Variants in TUB observed in about 807,000 individuals in gnomAD.
The protein encoded by TUB is tubby protein homolog.
In TUB, 33 loss-of-function variants were observed where a neutral mutation model predicts 59.7. The ratio of observed to expected loss-of-function variants is 0.55; its 90% confidence interval spans 0.42 to 0.74. The LOEUF is 0.74. TUB is among the 30% of genes least tolerant of loss of function. TUB has a pLI of 0.00. For missense variants in TUB, 659 were observed against 672.0 expected, an observed-to-expected ratio of 0.98 and a Z score of 0.21; for synonymous variants, 293 against 256.4, an observed-to-expected ratio of 1.14 and a Z score of -1.36.
upstream of TUB, among the ~76,000 whole-genome samples, chr11:8,033,710 A>G (rs2133715257): frequency 6.6e-6 from 1 of 152,322 alleles, no homozygotes; most frequent in East Asian, 1.9e-4. Context: ...GTGGGGTGTA[A>G]TGTGTAAACA....
intron 1 of TUB, among the ~76,000 whole-genome samples, chr11:8,026,335 C>G (rs767913221): frequency 4.6e-5 from 7 of 150,670 alleles, no homozygotes; most frequent in Non-Finnish European, 1.0e-4. Context: ...ATAGATTGTT[C>G]TTCTGATGTT....
intron 2 of TUB, among the ~76,000 whole-genome samples, chr11:8,049,148 C>G (rs1282137639): frequency 1.2e-4 from 18 of 152,154 alleles, no homozygotes; most frequent in African/African-American, 4.3e-4. Context: ...CTTGTGCTTT[C>G]CAAACCCTTG....
At chr11:8,025,305 G>T (rs79961920) in intron 1 of TUB, among the ~76,000 whole-genome samples, 26 of 152,232 alleles carry the variant, frequency 1.7e-4, no homozygotes, top group Non-Finnish European at 1.5e-4. Flanking sequence ...CTCTGAGGAG[G>T]GGGTATTTCA....
At chr11:8,021,686 C>A (rs987424831) in intron 1 of TUB, among the ~76,000 whole-genome samples, 2 of 151,944 alleles carry the variant, frequency 1.3e-5, no homozygotes, top group Non-Finnish European at 2.9e-5. Flanking sequence ...GAGGCTGAGG[C>A]AAGCAGATCA....
chr11:8,061,765 C>T (rs1791612324), intron 2 of TUB, among the ~76,000 whole-genome samples: 1 of 152,142 alleles, frequency 6.6e-6, no homozygotes, highest in Admixed American at 6.5e-5. Context: ...CACTGGACCC[C>T]AGGATCCCAG....
chr11:8,098,710 C>T, intron 8 of TUB, 48 bp from the exon 9 acceptor site: 2 of 1,422,642 alleles, frequency 1.4e-6, no homozygotes, highest in Non-Finnish European at 2.0e-6. Flanking sequence ...GTTCCCTGCT[C>T]TGGGGCAGAG....
chr11:8,103,996 C>T lies in TUB; in HGVS notation c.*2377C>T, dbSNP rs533584429. 1 of 152,342 alleles carries T rather than the reference C, an allele frequency of 6.6e-6. No homozygotes were observed. Among genetic ancestry groups the T allele is most frequent in the African/African-American group, 2.4e-5 (1 of 41,572 alleles). 9.4% of individuals were successfully genotyped at this position (152,342 alleles called of 1,614,324 possible). On this transcript the variant is annotated 3_prime_UTR_variant, in exon 12 of 12. Transcript: ENST00000299506. ...GCCTAAGTGTGGAGAAGGATAGCCT[C>T]AGCCACAAAACTCTGTCAGGCATTG...
intron 3 of TUB, among the ~76,000 whole-genome samples, chr11:8,091,840 G>A (rs1943786311): frequency 6.6e-6 from 1 of 152,190 alleles, no homozygotes; most frequent in African/African-American, 2.4e-5. Context: ...CCCAAGGGTG[G>A]TAGTGGTACC....
intron 2 of TUB, among the ~76,000 whole-genome samples, chr11:8,062,894 T>A (rs141320994): frequency 6.6e-6 from 1 of 152,294 alleles, no homozygotes; most frequent in East Asian, 1.9e-4. Context: ...ACGTTGTCTC[T>A]GGAAGGTGTT....
Position 8,025,781 on chromosome 11 carries a change from G to T in TUB, c.56+6423G>T, listed in dbSNP as rs537269889. 2.0e-5 allele frequency among the ~76,000 whole-genome samples: 3 copies of T among 152,154 alleles called. No individual in the cohort carries two copies. In the East Asian group the frequency reaches 5.8e-4, roughly 29 times the overall value. On this transcript the variant is annotated intron_variant, in intron 1 of 11. Transcript: ENST00000534099. Reference sequence around the variant, plus strand: ...AGCTTTTGTGAATATTCATGTACAGGTCTTTGTATGGACGTATACTTTTGT... The same window carrying T: ...AGCTTTTGTGAATATTCATGTACAGTTCTTTGTATGGACGTATACTTTTGT...
At chr11:8,096,866 G>A (rs1944017126) in intron 6 of TUB, 60 bp downstream of exon 6, 2 of 1,584,422 alleles carry the variant, frequency 1.3e-6, no homozygotes, top group Non-Finnish European at 1.7e-6. Context: ...CGTTAGAGGT[G>A]GACTGCATGT....
chr11:8,080,766 G>T (rs1943535354), upstream of TUB, among the ~76,000 whole-genome samples: 1 of 152,214 alleles, frequency 6.6e-6, no homozygotes, highest in African/African-American at 2.4e-5. Context: ...TCCCCAGGCG[G>T]GGGTGTGGGA....
At chr11:8,089,947 C>A in intron 2 of TUB, 122 bp from the exon 3 acceptor site, 1 of 1,387,488 alleles carries the variant, frequency 7.2e-7, no homozygotes, top group Non-Finnish European at 9.6e-7. Flanking sequence ...TCCTGGACCC[C>A]AAGTGTTGGG....
chr11:8,058,783 T>C lies in TUB; in HGVS notation c.203+19091T>C, dbSNP rs1042206108. Among the ~76,000 whole-genome samples the C allele has an allele frequency of 2.6e-5, 4 of 152,350 alleles. No individual in the cohort carries two copies. The East Asian group carries it at 7.7e-4, about 29-fold the overall frequency. The stretch of plus-strand genomic sequence containing the variant: ...CTACAGTAATTTGTCATTGCAACCG[T>C]AGGTTGGCTACAGATAAAGAGTTAG... On this transcript the variant is annotated intron_variant, in intron 2 of 12. Coordinates refer to the TUB transcript ENST00000305253.
intron 9 of TUB, among the ~76,000 whole-genome samples, chr11:8,099,818 G>A (rs1414677074): frequency 6.6e-6 from 1 of 152,180 alleles, no homozygotes; most frequent in African/African-American, 2.4e-5. Context: ...AAACAGCAGT[G>A]TACGTGTCTA....
chr11:8,050,901 C>T (rs372133336), intron 2 of TUB, among the ~76,000 whole-genome samples: 24 of 152,252 alleles, frequency 1.6e-4, no homozygotes, highest in East Asian at 7.7e-4. Flanking sequence ...TCTTATGAGA[C>T]AATTGCACAC....
rs140759109 is a variant in TUB at position 8,039,028 on chromosome 11, G to A, written c.155G>A (p.Arg52Gln). 35 of 1,612,060 alleles carry A rather than the reference G, an allele frequency of 2.2e-5. 1 individual carries two copies. In the South Asian group the frequency reaches 2.9e-4, roughly 13 times the overall value. ...CTGAAACGGGGCCACCGAAGAGATC[G>A]GTAAGCTTTCAACATCCTGCCTTTA... is the stretch of plus-strand genomic sequence containing the variant. The change falls in exon 1 of 13, where the codon CGG becomes CAG. Residue 52 changes from arginine (R) to glutamine (Q), a missense_variant and splice_region_variant. Transcript: ENST00000305253.
chr11:8,064,406 G>A (rs1422250278), intron 2 of TUB, among the ~76,000 whole-genome samples: 1 of 152,126 alleles, frequency 6.6e-6, no homozygotes, highest in Non-Finnish European at 1.5e-5. Flanking sequence ...GGGGCTTGTA[G>A]TACACTTGCC....
upstream of TUB, among the ~76,000 whole-genome samples, chr11:8,034,170 G>A (rs1417764290): frequency 1.3e-5 from 2 of 152,184 alleles, no homozygotes; most frequent in Non-Finnish European, 2.9e-5. Context: ...CCCAGACAGA[G>A]GATTGGAGGG....
Sources: allele counts gnomAD v4.1 joint callset (sites outside exome capture counted in the v4.1 genomes callset), GRCh38; gene constraint gnomAD v4.1.1; transcripts MANE v1.5; gene names NCBI Gene and HGNC (gene_info 2026-07-23, HGNC 2026-07-21).